The following SUGP1 variants were observed in gnomAD, a reference collection of about 807,000 sequenced individuals.
The protein encoded by SUGP1 is SURP and G-patch domain-containing protein 1.
A neutral mutation model predicts 76.5 loss-of-function variants in SUGP1; 34 were observed. The ratio of observed to expected loss-of-function variants is 0.44; its 90% confidence interval spans 0.34 to 0.59. The LOEUF (loss-of-function observed/expected upper bound fraction) is 0.59. Among genes scored for constraint, SUGP1 ranks in the 20% least tolerant of loss-of-function variants. The pLI, the probability that SUGP1 is intolerant of heterozygous loss-of-function variation, is 0.01. For missense variants in SUGP1, 752 were observed against 851.7 expected, an observed-to-expected ratio of 0.88 and a Z score of 1.46; for synonymous variants, 326 against 326.2, an observed-to-expected ratio of 1.00 and a Z score of 0.01.
At chr19:19,287,189 T>C (rs2061147310) in intron 8 of SUGP1, among the ~76,000 whole-genome samples, 2 of 152,212 alleles carry the variant, frequency 1.3e-5, no homozygotes, top group Middle Eastern at 3.4e-3. Context: ...GAGGATCCCT[T>C]GACCCCAGAG....
rs1318271663 is a variant in SUGP1, at chr19:19,320,375, G to A, written c.34+88C>T. The A allele has an allele frequency of 3.2e-5, 45 of 1,399,728 alleles. No homozygotes were observed. The South Asian group carries it at 4.1e-4, about 13-fold the overall frequency. 86.7% of individuals were successfully genotyped at this position (1,399,728 alleles called of 1,614,324 possible). A position where few individuals can be genotyped will look rare whatever the true frequency, so the allele number is the denominator to read the frequency against. On this transcript the variant is annotated intron_variant, in intron 1 of 13. Coordinates refer to ENST00000247001, the MANE Select transcript of SUGP1 (RefSeq NM_172231.4). ...CGGGGCTGAAGCGAGGGATCCACGG[G>A]TCGCAGCAGGACGGACCCGAGGAGT...
chr19:19,308,200 A>G (rs1599867612), intron 3 of SUGP1, among the ~76,000 whole-genome samples: 2 of 151,148 alleles, frequency 1.3e-5, no homozygotes, highest in South Asian at 4.2e-4. Context: ...CTGGCTAATT[A>G]TTTGTATTTT....
chr19:19,294,463 T>C (rs935397739), intron 8 of SUGP1, among the ~76,000 whole-genome samples: 2 of 135,812 alleles, frequency 1.5e-5, no homozygotes, highest in Non-Finnish European at 3.0e-5. Flanking sequence ...AGGTCGAGGC[T>C]GCAGTGAGTA....
At chr19:19,286,167 G>A (rs1414061368) in intron 8 of SUGP1, among the ~76,000 whole-genome samples, 1 of 152,202 alleles carries the variant, frequency 6.6e-6, no homozygotes, top group Non-Finnish European at 1.5e-5. Flanking sequence ...GCTAGTGACT[G>A]CTTGTTAAAG....
At chr19:19,292,418 T>C (rs1235482830) in intron 8 of SUGP1, among the ~76,000 whole-genome samples, 3 of 151,346 alleles carry the variant, frequency 2.0e-5, no homozygotes, top group Non-Finnish European at 2.9e-5. Flanking sequence ...GAAAGAAAAA[T>C]AGGCCAGGTG....
chr19:19,276,677 G>A lies in SUGP1; in HGVS notation c.1912-3C>T, dbSNP rs2061051789. On this transcript the variant is annotated splice_polypyrimidine_tract_variant and splice_region_variant and intron_variant, in intron 13 of 13. Transcript: ENST00000247001. Reference sequence around the variant, plus strand: ...TAGTAAGGCCGTCTGGGATTGTTCTGTGGAAGGCAAAACAGATAACAGGAG... The same window carrying A: ...TAGTAAGGCCGTCTGGGATTGTTCTATGGAAGGCAAAACAGATAACAGGAG... The A allele has an allele frequency of 6.2e-7, 1 of 1,614,146 alleles. No individual in the cohort carries two copies. Among genetic ancestry groups the A allele is most frequent in the Non-Finnish European group, 8.5e-7 (1 of 1,180,034 alleles).
intron 8 of SUGP1, among the ~76,000 whole-genome samples, chr19:19,282,181 T>C (rs2061103888): frequency 6.6e-6 from 1 of 151,982 alleles, no homozygotes; most frequent in Non-Finnish European, 1.5e-5. Flanking sequence ...AGTTTCACCA[T>C]ATTAGTCAGG....
intron 7 of SUGP1, among the ~76,000 whole-genome samples, chr19:19,300,711 GC>G (rs1184714944): frequency 1.3e-5 from 2 of 152,142 alleles, no homozygotes; most frequent in African/African-American, 4.8e-5. Flanking sequence ...GCTCCCTTCA[GC>G]CTCGTCTCCT....
intron 2 of SUGP1, among the ~76,000 whole-genome samples, chr19:19,315,325 C>T (rs1568637516): frequency 6.6e-6 from 1 of 151,138 alleles, no homozygotes; most frequent in Non-Finnish European, 1.5e-5. Context: ...AAAACCCTGT[C>T]TCAAAGAAAA....
chr19:19,281,524 G>C (rs1053951468), intron 8 of SUGP1: 1 of 152,172 alleles, frequency 6.6e-6, no homozygotes, highest in Non-Finnish European at 1.5e-5. Context: ...GGGAGGCACC[G>C]AGAAAGCAAT....
rs55921805 is a variant in SUGP1 at position 19,295,605 on chromosome 19, CA to C, written c.1243+1383del. ...TGGGCAACACAGTGAGACTCCTTCT[CA>C]AAAAAAAAAAAAAAAAAAAAAAAGA... On this transcript the variant is annotated intron_variant, in intron 8 of 13. Coordinates refer to ENST00000247001, the MANE Select transcript of SUGP1 (RefSeq NM_172231.4). 9.8e-3 allele frequency among the ~76,000 whole-genome samples: 656 copies of C among 66,790 alleles called. 5 individuals carry two copies. Among genetic ancestry groups the C allele is most frequent in the Middle Eastern group, 0.058 (5 of 86 alleles). The allele number at this position is 66,790 out of a possible 152,430, so 43.8% of individuals were successfully genotyped here. A position where few individuals can be genotyped will look rare whatever the true frequency, so the allele number is the denominator to read the frequency against.
At position 19,302,915 on chromosome 19, in the gene SUGP1, C is replaced by T. The variant is rs1376588960; in HGVS notation, c.763+433G>A. Among the ~76,000 whole-genome samples, 4 of 152,278 alleles carry T rather than the reference C, an allele frequency of 2.6e-5. No homozygotes were observed. The South Asian group carries it at 8.3e-4, about 32-fold the overall frequency. Reference sequence around the variant, plus strand: ...CCTGAAATTCATCCCATCAGAATTGCACCAGCTGACAGTGTCTGTCCCCCA... The same window carrying T: ...CCTGAAATTCATCCCATCAGAATTGTACCAGCTGACAGTGTCTGTCCCCCA... On this transcript the variant is annotated intron_variant, in intron 6 of 13. Coordinates refer to ENST00000247001, the MANE Select transcript of SUGP1 (RefSeq NM_172231.4).
At chr19:19,318,627 G>A (rs2061412437) in intron 1 of SUGP1, among the ~76,000 whole-genome samples, 1 of 152,068 alleles carries the variant, frequency 6.6e-6, no homozygotes, top group Admixed American at 6.6e-5. Context: ...ACAGGTTCTT[G>A]CTATGTTCCC....
At position 19,280,604 on chromosome 19, in the gene SUGP1, G is replaced by A. The variant is rs561572624; in HGVS notation, c.1244-313C>T. The A allele has an allele frequency of 4.5e-4, 141 of 313,012 alleles. 1 individual carries two copies. Among genetic ancestry groups the A allele is most frequent in the African/African-American group, 2.6e-3 (124 of 48,172 alleles). 19.4% of individuals were successfully genotyped at this position (313,012 alleles called of 1,614,324 possible). On this transcript the variant is annotated intron_variant, in intron 8 of 13. Coordinates refer to ENST00000247001, the MANE Select transcript of SUGP1 (RefSeq NM_172231.4). ...GGTCACACAGCTAACGAGTGACAGG[G>A]CAGGAATTTGCAGAGCCAGAGACAA...
chr19:19,297,926 G>A (rs1485772895), intron 7 of SUGP1, among the ~76,000 whole-genome samples: 2 of 152,182 alleles, frequency 1.3e-5, no homozygotes, highest in Admixed American at 6.5e-5. Flanking sequence ...GTGGCGCTGG[G>A]TTCAGAGCCA....
At chr19:19,283,666 G>A (rs909718261) in intron 8 of SUGP1, among the ~76,000 whole-genome samples, 1 of 152,228 alleles carries the variant, frequency 6.6e-6, no homozygotes, top group Non-Finnish European at 1.5e-5. Context: ...TACTGGCCAG[G>A]CTGGTCTCAA....
rs998515034 is a variant in SUGP1 at position 19,297,084 on chromosome 19, C to T, written c.1148G>A (p.Arg383Gln). ...PASAATVKRK[R>Q]KSRWGPEEDK... ...CTCTTCAGGCCCCCACCGGCTCTTC[C>T]GCTTCCTCTTCACGGTGGCTGCGGA... Residue 383 changes from arginine to glutamine, a missense_variant, in exon 8 of 14, where the codon CGG becomes CAG. Arg to Gln is a conservative substitution (Grantham distance 43). Coordinates refer to ENST00000247001, the MANE Select transcript of SUGP1 (RefSeq NM_172231.4). 6.8e-6 allele frequency: 11 copies of T among 1,613,740 alleles called. No individual in the cohort carries two copies. The highest frequency in any genetic ancestry group is 4.5e-5 in the East Asian group (2 of 44,894).
intron 11 of SUGP1, among the ~76,000 whole-genome samples, chr19:19,278,204 G>A (rs1168284474): frequency 2.0e-5 from 3 of 152,154 alleles, no homozygotes; most frequent in Non-Finnish European, 4.4e-5. Context: ...GCAATTTGTT[G>A]TACAAGGTAC....
At chr19:19,310,551 T>C (rs773241589) in intron 2 of SUGP1, among the ~76,000 whole-genome samples, 2 of 152,308 alleles carry the variant, frequency 1.3e-5, no homozygotes, top group South Asian at 4.1e-4. Flanking sequence ...TAGTTGATTA[T>C]CTGGGTTGTT....
Sources: allele counts gnomAD v4.1 joint callset (sites outside exome capture counted in the v4.1 genomes callset), GRCh38; gene constraint gnomAD v4.1.1; transcripts MANE v1.5; gene names NCBI Gene and HGNC (gene_info 2026-07-23, HGNC 2026-07-21).